MORN1: variants seen among roughly 807,000 people sequenced by gnomAD.
The protein encoded by MORN1 is MORN repeat-containing protein 1.
In MORN1, 67 loss-of-function variants were observed where a neutral mutation model predicts 61.9. The observed-to-expected ratio is 1.08, with a 90% CI of 0.89 to 1.33. The LOEUF (loss-of-function observed/expected upper bound fraction) is 1.33, where lower values mean the gene tolerates loss of function less well. Ranked by LOEUF, MORN1 falls within the 40% of genes most tolerant of loss-of-function variation. The pLI, the probability that MORN1 is intolerant of heterozygous loss-of-function variation, is 0.00. For synonymous variants in MORN1, 301 were observed against 292.0 expected (o/e 1.03, Z -0.31); for missense variants, 752 against 691.2 (o/e 1.09, Z -0.99).
intron 8 of MORN1, among the ~76,000 whole-genome samples, chr1:2,367,197 G>A (rs10453826): frequency 0.32 from 47,539 of 150,062 alleles, 8,060 homozygotes; most frequent in South Asian, 0.45. Flanking sequence ...ACTAGACAAA[G>A]ACATTACAAG....
intron 12 of MORN1, chr1:2,326,159 G>A (rs530459784): frequency 6.6e-5 from 10 of 152,270 alleles, no homozygotes; most frequent in Non-Finnish European, 1.2e-4. Flanking sequence ...CCTACCCGTC[G>A]ACAAACTTAA....
In MORN1 at chr1:2,336,451, G is replaced by A. The variant is rs374056626; in HGVS notation, c.1250+18C>T. On this transcript the variant is annotated intron_variant, in intron 12 of 13. Transcript: ENST00000378531. ...GCTGACCCTCCGAACACCTGCAGGT[G>A]GGGTGGGCTCATCCTACCTGCTGCC... 50 of 1,607,938 alleles carry A rather than the reference G, an allele frequency of 3.1e-5. No homozygotes were observed. The African/African-American group carries it at 5.7e-4, about 18-fold the overall frequency.
In MORN1 at chr1:2,374,543, G is replaced by T. The variant is rs141879639; in HGVS notation, c.552C>A (p.Ser184Arg). The T allele has an allele frequency of 5.0e-6, 8 of 1,594,808 alleles. No homozygotes were observed. In the African/African-American group the frequency reaches 9.4e-5, roughly 19 times the overall value. The change falls in exon 7 of 14, where the codon AGC (serine) becomes AGA (arginine). Residue 184 changes from serine to arginine, a missense_variant. Ser to Arg is a moderately radical substitution (Grantham distance 110). Coordinates refer to ENST00000378531, the MANE Select transcript of MORN1 (RefSeq NM_024848.3). Reference protein sequence around the residue: ...DGSTYKGQWHSDVFSGLGSMA... With the variant: ...DGSTYKGQWHRDVFSGLGSMA... ...TGCTGCCCAGTCCACTGAAGACGTC[G>T]CTGTGCCACTGTCCCTGCAGAGAGA...
At chr1:2,323,865 T>A in intron 13 of MORN1, 9 of 985,276 alleles carry the variant, frequency 9.1e-6, no homozygotes, top group Non-Finnish European at 1.1e-5. Context: ...TCAAGGGCTG[T>A]GTCGGCCCAG....
Position 2,336,834 on chromosome 1 carries a change from G to A in MORN1, c.1053C>T (p.Pro351=), listed in dbSNP as rs1641290957. The part of the protein sequence containing the change: ...PGGLLARGHA[P]HCPGACQRVE... ...CTCGCTGACAGGCCCCGGGACAATG[G>A]GGCGCATGTCCCCTGGCTGAGGAGA... Residue 351 remains proline, a synonymous_variant, in exon 11 of 14, where the codon CCC becomes CCT. Coordinates refer to ENST00000378531, the MANE Select transcript of MORN1 (RefSeq NM_024848.3). The A allele has an allele frequency of 1.3e-6, 2 of 1,580,538 alleles. No individual in the cohort carries two copies. Among genetic ancestry groups the A allele is most frequent in the South Asian group, 2.3e-5 (2 of 86,032 alleles).
chr1:2,373,989 G>A (rs1254438496), intron 7 of MORN1, among the ~76,000 whole-genome samples: 2 of 152,206 alleles, frequency 1.3e-5, no homozygotes, highest in Non-Finnish European at 2.9e-5. Flanking sequence ...TGAGTGTTGT[G>A]TCCCTGGCTA....
intron 10 of MORN1, among the ~76,000 whole-genome samples, chr1:2,349,925 C>G (rs921200456): frequency 2.6e-5 from 4 of 152,224 alleles, no homozygotes; most frequent in African/African-American, 9.6e-5. Context: ...ACCTGACGTC[C>G]TCTCACGGCT....
In MORN1 at chr1:2,331,224, C is replaced by T. The variant is rs572635425; in HGVS notation, c.1250+5245G>A. Among the ~76,000 whole-genome samples the T allele has an allele frequency of 3.4e-3, 513 of 152,290 alleles. 3 individuals carry two copies. Among genetic ancestry groups the T allele is most frequent in the Non-Finnish European group, 5.5e-3 (376 of 68,010 alleles). ...CTTGGCAGCCAGATTCAGCGGCTGG[C>T]GCAGGAGCCCCTCGTGCAGCCTCCC... On this transcript the variant is annotated intron_variant, in intron 12 of 13. Coordinates refer to ENST00000378531, the MANE Select transcript of MORN1 (RefSeq NM_024848.3).
intron 8 of MORN1, among the ~76,000 whole-genome samples, chr1:2,361,366 G>C (rs1445970440): frequency 2.6e-5 from 4 of 152,084 alleles, no homozygotes; most frequent in Non-Finnish European, 5.9e-5. Flanking sequence ...AGACCAGCCT[G>C]GCCAACATGT....
chr1:2,338,757 G>A (rs1282561087), intron 10 of MORN1, among the ~76,000 whole-genome samples: 1 of 152,196 alleles, frequency 6.6e-6, no homozygotes, highest in Non-Finnish European at 1.5e-5. Flanking sequence ...TGAGGCTTGG[G>A]GGTTCTGACC....
chr1:2,335,834 A>AGCCCG (rs893953785), intron 12 of MORN1, among the ~76,000 whole-genome samples: 4 of 143,018 alleles, frequency 2.8e-5, no homozygotes, highest in African/African-American at 9.0e-5. Context: ...TCCATAGCCC[A>AGCCCG]GCCCAGCCCA....
intron 12 of MORN1, among the ~76,000 whole-genome samples, chr1:2,324,736 C>T (rs1200389962): frequency 6.6e-6 from 1 of 152,178 alleles, no homozygotes; most frequent in Non-Finnish European, 1.5e-5. Context: ...ACTGCCCTGG[C>T]TCCCTGAGGG....
chr1:2,332,683 C>T lies in MORN1; in HGVS notation c.1250+3786G>A, dbSNP rs569024196. On this transcript the variant is annotated intron_variant, in intron 12 of 13. Transcript: ENST00000378531. ...CTCACTTGGTCTCCTGTTGTCCACA[C>T]TGCAGAATCTCGTCTGTGCCTCGAG... 2.1e-4 allele frequency: 98 copies of T among 456,590 alleles called. No homozygotes were observed. In the East Asian group the frequency reaches 4.4e-3, roughly 21 times the overall value. 28.3% of individuals were successfully genotyped at this position (456,590 alleles called of 1,614,324 possible). A position where few individuals can be genotyped will look rare whatever the true frequency, so the allele number is the denominator to read the frequency against.
intron 3 of MORN1, chr1:2,387,891 G>A (rs1050818123): frequency 3.3e-5 from 14 of 422,910 alleles, no homozygotes; most frequent in Middle Eastern, 6.2e-4. Context: ...CCCCTCTGGC[G>A]TGAGGGTCTG....
chr1:2,375,005 G>A (rs1243971392), intron 6 of MORN1: 3 of 153,800 alleles, frequency 2.0e-5, no homozygotes, highest in African/African-American at 4.8e-5. Context: ...ACATGAAGAG[G>A]CCAATTAAAA....
chr1:2,331,792 G>A (rs1038988172), intron 12 of MORN1, among the ~76,000 whole-genome samples: 44 of 152,184 alleles, frequency 2.9e-4, no homozygotes, highest in Admixed American at 2.5e-3. Flanking sequence ...AACCACTGCC[G>A]CTCCTCTCCC....
intron 12 of MORN1, among the ~76,000 whole-genome samples, chr1:2,330,946 C>T (rs1204144663): frequency 1.3e-5 from 2 of 152,252 alleles, no homozygotes; most frequent in African/African-American, 2.4e-5. Context: ...CACATCTTTT[C>T]AGAACCGACA....
intron 13 of MORN1, 164 bp downstream of exon 13, chr1:2,323,933 G>C (rs1640939148): frequency 4.1e-6 from 4 of 984,292 alleles, no homozygotes; most frequent in Non-Finnish European, 3.6e-6. Context: ...TTCCCATTCA[G>C]GTCCCTGGGA....
intron 6 of MORN1, 100 bp downstream of exon 6, chr1:2,384,875 CATG>C (rs1480284653): frequency 6.3e-6 from 6 of 959,736 alleles, no homozygotes; most frequent in Admixed American, 2.9e-5. Flanking sequence ...GGGCCTGGCA[CATG>C]GAGAAGCTGC....
Sources: gnomAD v4.1 joint callset for allele counts (sites outside exome capture counted in the v4.1 genomes callset) on GRCh38, gnomAD v4.1.1 for gene constraint, MANE v1.5 for transcripts, NCBI Gene and HGNC (gene_info 2026-07-23, HGNC 2026-07-21) for gene names.